Variants in TYW1B observed in about 807,000 individuals in gnomAD.
The protein encoded by TYW1B is tRNA-yW synthesizing protein 1 homolog B, also known as S-adenosyl-L-methionine-dependent tRNA 4-demethylwyosine synthase TYW1B.
A neutral mutation model predicts 86.9 loss-of-function variants in TYW1B; 73 were observed. The ratio of observed to expected loss-of-function variants is 0.84; its 90% CI spans 0.70 to 1.02. The LOEUF is 1.02. TYW1B is among the 50% of genes least tolerant of loss of function. The pLI is 0.00. For missense variants in TYW1B, 637 were observed against 827.4 expected (o/e 0.77, Z 2.82); for synonymous variants, 248 against 292.8 (o/e 0.85, Z 1.56).
chr7:72,811,478 G>A (rs1387598489), intron 3 of TYW1B, among the ~76,000 whole-genome samples: 3 of 151,844 alleles, frequency 2.0e-5, no homozygotes, highest in Non-Finnish European at 4.4e-5. Context: ...GAGGAATGTG[G>A]TGACCTTGCT....
At chr7:72,810,327 C>T (rs1314502161) in intron 4 of TYW1B, 144 bp downstream of exon 4, 1 of 961,028 alleles carries the variant, frequency 1.0e-6, no homozygotes, top group African/African-American at 1.7e-5. Flanking sequence ...TTACTAGCTA[C>T]CAAAGTTTGT....
chr7:72,593,293 C>CAAAAAAAAA (rs369019708), intron 13 of TYW1B, among the ~76,000 whole-genome samples: 4 of 144,050 alleles, frequency 2.8e-5, no homozygotes, highest in African/African-American at 1.1e-4. Context: ...AACTCCATCT[C>CAAAAAAAAA]AAAAAAAGAA....
At chr7:72,819,222 A>C (rs1354078051) in intron 2 of TYW1B, among the ~76,000 whole-genome samples, 2 of 152,086 alleles carry the variant, frequency 1.3e-5, no homozygotes, top group African/African-American at 4.8e-5. Context: ...TCTCTGGGCC[A>C]CTGTGAGGAC....
chr7:72,748,799 A>G (rs1554464352), intron 7 of TYW1B, among the ~76,000 whole-genome samples: 2 of 151,950 alleles, frequency 1.3e-5, no homozygotes, highest in African/African-American at 4.8e-5. Context: ...GTTATGGCAT[A>G]TAATTCTTTC....
chr7:72,728,375 C>T (rs548995675), intron 9 of TYW1B, among the ~76,000 whole-genome samples: 21 of 151,912 alleles, frequency 1.4e-4, no homozygotes, highest in South Asian at 4.2e-4. Context: ...GGAGAGATCT[C>T]GGCTCACTGC....
At chr7:72,667,048 A>AAG (rs1554445450) in intron 11 of TYW1B, among the ~76,000 whole-genome samples, 2 of 131,370 alleles carry the variant, frequency 1.5e-5, no homozygotes, top group Admixed American at 7.8e-5. Flanking sequence ...AAAAAAAAAA[A>AAG]AAAGAAACTA....
At chr7:72,611,426 T>C (rs1554435905) in intron 13 of TYW1B, among the ~76,000 whole-genome samples, 3 of 151,986 alleles carry the variant, frequency 2.0e-5, no homozygotes, top group Non-Finnish European at 2.9e-5. Context: ...CATGGGGTGG[T>C]TTCCCCCATG....
At chr7:72,717,719 CG>C (rs1309087241) in intron 9 of TYW1B, among the ~76,000 whole-genome samples, 2 of 151,306 alleles carry the variant, frequency 1.3e-5, no homozygotes, top group Non-Finnish European at 2.9e-5. Flanking sequence ...CTTAGAAATA[CG>C]AAAGTGTAAG....
chr7:72,713,020 CA>C (rs1786699772), intron 10 of TYW1B, among the ~76,000 whole-genome samples: 1 of 151,944 alleles, frequency 6.6e-6, no homozygotes, highest in Non-Finnish European at 1.5e-5. Flanking sequence ...AAAATTAGAC[CA>C]GGCGCAGTGG....
intron 6 of TYW1B, among the ~76,000 whole-genome samples, chr7:72,802,192 T>C (rs1275902428): frequency 6.6e-6 from 1 of 152,062 alleles, no homozygotes; most frequent in Non-Finnish European, 1.5e-5. Context: ...CTCCTGCTTA[T>C]CCTCTGATGA....
intron 10 of TYW1B, among the ~76,000 whole-genome samples, chr7:72,700,834 A>AG (rs1282617287): frequency 1.3e-5 from 2 of 152,068 alleles, no homozygotes; most frequent in African/African-American, 2.4e-5. Flanking sequence ...TGGGAGGGCG[A>AG]GGGGGGCAGA....
At chr7:72,738,908 CAAAAAA>C (rs1304858653) in intron 8 of TYW1B, among the ~76,000 whole-genome samples, 1 of 146,846 alleles carries the variant, frequency 6.8e-6, no homozygotes, top group African/African-American at 2.5e-5. Flanking sequence ...CTGTCTCTAT[CAAAAAA>C]AAAAAAAAAT....
At chr7:72,749,912 G>GTTTTTTTTTTTTT (rs35656387) in intron 7 of TYW1B, among the ~76,000 whole-genome samples, 1 of 119,008 alleles carries the variant, frequency 8.4e-6, no homozygotes, top group Non-Finnish European at 1.6e-5. Flanking sequence ...GGTTTTTTTT[G>GTTTTTTTTTTTTT]TTTTTTTTTT....
At chr7:72,589,981 A>C (rs1554431127) in intron 13 of TYW1B, among the ~76,000 whole-genome samples, 1 of 152,226 alleles carries the variant, frequency 6.6e-6, no homozygotes, top group Non-Finnish European at 1.5e-5. Flanking sequence ...GAGAATAGCA[A>C]AGTTAATTTA....
intron 13 of TYW1B, among the ~76,000 whole-genome samples, chr7:72,598,977 T>C (rs1245843952): frequency 6.6e-6 from 1 of 152,148 alleles, no homozygotes; most frequent in South Asian, 2.1e-4. Flanking sequence ...AGGAATAACA[T>C]CCATTCTCTG....
intron 13 of TYW1B, among the ~76,000 whole-genome samples, chr7:72,613,401 C>CTTTTTT (rs71517349): frequency 2.1e-3 from 167 of 80,932 alleles, no homozygotes; most frequent in Middle Eastern, 9.4e-3. Flanking sequence ...TTTATATCTT[C>CTTTTTT]TTTTTTTTTT....
chr7:72,634,789 G>A (rs1260243851), intron 11 of TYW1B, among the ~76,000 whole-genome samples: 3 of 152,150 alleles, frequency 2.0e-5, no homozygotes, highest in Non-Finnish European at 2.9e-5. Flanking sequence ...CTGTTTTTGT[G>A]AAGTACTGGT....
rs782487124 is a variant in TYW1B at position 72,828,183 on chromosome 7, G to T, written c.-108C>A. 15 of 1,568,738 alleles carry T rather than the reference G, an allele frequency of 9.6e-6. No homozygotes were observed. Among genetic ancestry groups the T allele is most frequent in the Non-Finnish European group, 1.1e-5 (13 of 1,154,776 alleles). On this transcript the variant is annotated 5_prime_UTR_variant, in exon 1 of 14. Coordinates refer to ENST00000620995, the MANE Select transcript of TYW1B (RefSeq NM_001145440.3). ...TACCTCGCGGCGTTAGCGCCGTACCGAGTGGCTGCAGAACTGTGGGCAGCT... is the reference window on the plus strand; with the variant it reads ...TACCTCGCGGCGTTAGCGCCGTACCTAGTGGCTGCAGAACTGTGGGCAGCT...
chr7:72,593,730 G>A (rs1226935524), intron 13 of TYW1B, among the ~76,000 whole-genome samples: 1 of 149,324 alleles, frequency 6.7e-6, no homozygotes, highest in African/African-American at 2.5e-5. Context: ...GCTGAGGCAG[G>A]AGAATGGCGT....
Sources: allele counts gnomAD v4.1 joint callset (sites outside exome capture counted in the v4.1 genomes callset), GRCh38; gene constraint gnomAD v4.1.1; transcripts MANE v1.5; gene names NCBI Gene and HGNC (gene_info 2026-07-23, HGNC 2026-07-21).